PPP2R3A: variants seen among roughly 807,000 people sequenced by gnomAD.
The protein encoded by PPP2R3A is serine/threonine-protein phosphatase 2A regulatory subunit B'' subunit alpha.
PPP2R3A carries 80 observed loss-of-function variants against 106.9 expected under a neutral mutation model. The ratio of observed to expected loss-of-function variants is 0.75; its 90% CI spans 0.62 to 0.90. The LOEUF is 0.90. Among genes scored for constraint, PPP2R3A ranks in the 40% least tolerant of loss-of-function variants. PPP2R3A has a pLI of 0.00. For synonymous variants in PPP2R3A, 483 were observed against 468.3 expected (o/e 1.03, Z -0.41); for missense variants, 1,386 against 1,350.4 (o/e 1.03, Z -0.41).
chr3:135,981,109 T>C (rs935135339), intron 1 of PPP2R3A, among the ~76,000 whole-genome samples: 1 of 151,900 alleles, frequency 6.6e-6, no homozygotes, highest in Non-Finnish European at 1.5e-5. Flanking sequence ...CTCTTTAAGT[T>C]TGGTGATCAT....
intron 3 of PPP2R3A, 148 bp downstream of exon 3, chr3:136,027,246 A>G (rs1934699924): frequency 1.4e-6 from 1 of 739,262 alleles, no homozygotes; most frequent in Non-Finnish European, 2.1e-6. Context: ...TTTTTCCCAT[A>G]GTGATCTTCC....
chr3:136,071,789 C>A (rs1221139646), intron 6 of PPP2R3A, among the ~76,000 whole-genome samples: 1 of 152,194 alleles, frequency 6.6e-6, no homozygotes, highest in Non-Finnish European at 1.5e-5. Context: ...TTATCTCCTA[C>A]CTCCCACTCA....
intron 13 of PPP2R3A, among the ~76,000 whole-genome samples, chr3:136,117,112 C>G (rs915588784): frequency 1.3e-5 from 2 of 152,178 alleles, no homozygotes; most frequent in African/African-American, 4.8e-5. Flanking sequence ...TACATGGAAA[C>G]TAAACAACCT....
intron 13 of PPP2R3A, among the ~76,000 whole-genome samples, chr3:136,126,641 C>G (rs936342521): frequency 5.9e-5 from 9 of 152,234 alleles, no homozygotes; most frequent in Non-Finnish European, 1.3e-4. Flanking sequence ...AGCAGTAGTT[C>G]TCCCAGCACA....
rs115360902 is a variant in PPP2R3A at position 135,984,067 on chromosome 3, A to G, written c.-440-16992A>G. Among the ~76,000 whole-genome samples, 872 of 152,294 alleles carry G rather than the reference A, an allele frequency of 5.7e-3. 6 individuals are homozygous for G. The highest frequency in any genetic ancestry group is 0.02 in the African/African-American group (835 of 41,568). ...TTTTGTTCATCCTATCCAGGTTACT[A>G]TAACAACTTCAGTGTTGTATAGATT... On this transcript the variant is annotated intron_variant, in intron 1 of 13. Transcript: ENST00000264977.
At chr3:135,970,910 A>G (rs1175646932) in intron 1 of PPP2R3A, among the ~76,000 whole-genome samples, 1 of 152,162 alleles carries the variant, frequency 6.6e-6, no homozygotes, top group African/African-American at 2.4e-5. Flanking sequence ...GGGCTGACTC[A>G]GATGTTGGTG....
intron 1 of PPP2R3A, among the ~76,000 whole-genome samples, chr3:135,973,775 A>C (rs530819875): frequency 6.6e-6 from 1 of 152,354 alleles, no homozygotes; most frequent in East Asian, 1.9e-4. Flanking sequence ...AGTTCAGTCA[A>C]CAAATACTTA....
rs2107791435 is a variant in PPP2R3A, at chr3:136,003,280, C to G, written c.1782C>G (p.Ile594Met). The G allele has an allele frequency of 6.2e-7, 1 of 1,613,860 alleles. No individual in the cohort carries two copies. The highest frequency in any genetic ancestry group is 1.7e-4 in the Middle Eastern group (1 of 6,060). Residue 594 changes from isoleucine (I) to methionine (M), a missense_variant, in exon 2 of 14, where the codon ATC (isoleucine) becomes ATG (methionine). Transcript: ENST00000264977. ...AGGATCGAGCCCTCTTACTGCGAAT[C>G]CTGGAAAGCATTGAAGACTTTGCTC... ...EEEDRALLLR[I>M]LESIEDFAQE...
chr3:135,989,333 C>G (rs1295173534), intron 1 of PPP2R3A, among the ~76,000 whole-genome samples: 3 of 152,120 alleles, frequency 2.0e-5, no homozygotes, highest in Non-Finnish European at 4.4e-5. Flanking sequence ...AGCTCTGCCA[C>G]TTCCTTGGAA....
At chr3:136,006,300 A>G (rs1432158956) in intron 2 of PPP2R3A, among the ~76,000 whole-genome samples, 1 of 152,262 alleles carries the variant, frequency 6.6e-6, no homozygotes, top group Non-Finnish European at 1.5e-5. Flanking sequence ...GACAGGTAAT[A>G]TAAAATGTTT....
chr3:136,033,506 C>T (rs1274056108), intron 3 of PPP2R3A, among the ~76,000 whole-genome samples: 2 of 152,184 alleles, frequency 1.3e-5, no homozygotes, highest in Admixed American at 6.5e-5. Context: ...GCTGTGAATC[C>T]GTCTGTCCTT....
intron 1 of PPP2R3A, among the ~76,000 whole-genome samples, chr3:135,969,130 A>G (rs191254301): frequency 5.6e-4 from 86 of 152,290 alleles, no homozygotes; most frequent in Non-Finnish European, 4.9e-4. Context: ...TAATGCGTGT[A>G]TATGTGTATA....
intron 5 of PPP2R3A, among the ~76,000 whole-genome samples, chr3:136,068,410 C>G (rs1285473419): frequency 3.9e-5 from 6 of 152,014 alleles, no homozygotes; most frequent in Non-Finnish European, 8.8e-5. Flanking sequence ...CCCAGCTACT[C>G]GGAAGGCTGA....
chr3:136,137,967 A>C lies in PPP2R3A; in HGVS notation c.3330-7076A>C, dbSNP rs184085784. On this transcript the variant is annotated intron_variant, in intron 13 of 13. Transcript: ENST00000264977. ...TAACTAGTGAGAAGTATGAAGCCCA[A>C]CTCTCCTCAGTGAGGTGGGAGAATG... Among the ~76,000 whole-genome samples the C allele has an allele frequency of 9.6e-4, 146 of 152,230 alleles. 1 individual carries two copies. The highest frequency in any genetic ancestry group is 3.3e-3 in the African/African-American group (137 of 41,516).
At chr3:136,144,866 A>G (rs1172391031) in intron 13 of PPP2R3A, among the ~76,000 whole-genome samples, 177 bp from the exon 14 acceptor site, 3 of 152,186 alleles carry the variant, frequency 2.0e-5, no homozygotes, top group African/African-American at 7.2e-5. Flanking sequence ...AGGGAGAAGA[A>G]TGTGTTTTCT....
At chr3:136,013,219 T>C (rs1218897207) in intron 2 of PPP2R3A, among the ~76,000 whole-genome samples, 1 of 151,738 alleles carries the variant, frequency 6.6e-6, no homozygotes. Flanking sequence ...TGTATGTATG[T>C]ATGTATGTAT....
chr3:135,975,048 C>G (rs973639527), intron 1 of PPP2R3A, among the ~76,000 whole-genome samples: 6 of 152,180 alleles, frequency 3.9e-5, no homozygotes, highest in African/African-American at 1.4e-4. Context: ...CCATCAAGCA[C>G]TGTGGCCCAG....
rs981428330 is a variant in PPP2R3A at position 136,036,076 on chromosome 3, G to T, written c.2263-4783G>T. 1.3e-5 allele frequency among the ~76,000 whole-genome samples: 2 copies of T among 151,848 alleles called. 1 individual carries two copies. The highest frequency in any genetic ancestry group is 1.3e-4 in the Admixed American group (2 of 15,238). On this transcript the variant is annotated intron_variant, in intron 3 of 13. Coordinates refer to ENST00000264977, the MANE Select transcript of PPP2R3A (RefSeq NM_002718.5). Reference sequence around the variant, plus strand: ...TGTGTCCATTGTTTCCTGAAGTTTTGATTGTTTTTTATTTATGCTATTTCC... The same window carrying T: ...TGTGTCCATTGTTTCCTGAAGTTTTTATTGTTTTTTATTTATGCTATTTCC...
chr3:136,119,111 G>A, intron 13 of PPP2R3A, among the ~76,000 whole-genome samples: 1 of 152,154 alleles, frequency 6.6e-6, no homozygotes, highest in African/African-American at 2.4e-5. Flanking sequence ...ACAAAAACAA[G>A]CAATGGGAAA....
Sources: allele counts gnomAD v4.1 joint callset (sites outside exome capture counted in the v4.1 genomes callset), GRCh38; gene constraint gnomAD v4.1.1; transcripts MANE v1.5; gene names NCBI Gene and HGNC (gene_info 2026-07-23, HGNC 2026-07-21).